PLXDC1: variants seen among roughly 807,000 people sequenced by gnomAD.
The protein encoded by PLXDC1 is plexin domain-containing protein 1.
PLXDC1 carries 39 observed loss-of-function variants against 61.3 expected under a neutral mutation model. The ratio of observed to expected loss-of-function variants is 0.64; its 90% CI spans 0.49 to 0.83. The LOEUF is 0.83. Ranked by LOEUF, PLXDC1 falls within the 40% of genes least tolerant of loss-of-function variation. PLXDC1 has a pLI of 0.00. For missense variants in PLXDC1, 596 were observed against 666.5 expected (o/e 0.89, Z 1.17); for synonymous variants, 212 against 254.5 (o/e 0.83, Z 1.59).
In PLXDC1 at chr17:39,067,562, T is replaced by G. The variant is rs1908941813; in HGVS notation, c.*278A>C. On this transcript the variant is annotated 3_prime_UTR_variant, in exon 14 of 14. Transcript: ENST00000315392. The stretch of plus-strand genomic sequence containing the variant: ...ATGGAGTTAGTTATGTTAGTTCTTC[T>G]GCTGTTTCATGGTTACAAGACACAG... 1 of 319,074 alleles carries G rather than the reference T, an allele frequency of 3.1e-6. No individual in the cohort carries two copies. Among genetic ancestry groups the G allele is most frequent in the Admixed American group, 4.5e-5 (1 of 22,258 alleles). The allele number at this position is 319,074 out of a possible 1,614,324, so 19.8% of individuals were successfully genotyped here. A position where few individuals can be genotyped will look rare whatever the true frequency, so the allele number is the denominator to read the frequency against.
chr17:39,109,714 C>A (rs933528640), intron 2 of PLXDC1, among the ~76,000 whole-genome samples: 2 of 152,204 alleles, frequency 1.3e-5, no homozygotes, highest in African/African-American at 4.8e-5. Context: ...AGACCAGGAC[C>A]AAGGCTGAGC....
chr17:39,073,637 G>A (rs1351070013), intron 11 of PLXDC1, among the ~76,000 whole-genome samples: 1 of 152,182 alleles, frequency 6.6e-6, no homozygotes, highest in Non-Finnish European at 1.5e-5. Context: ...CATCTTGCTG[G>A]GGCTCCATGT....
At chr17:39,123,044 T>G (rs1355908680) in intron 2 of PLXDC1, among the ~76,000 whole-genome samples, 1 of 152,136 alleles carries the variant, frequency 6.6e-6, no homozygotes, top group Non-Finnish European at 1.5e-5. Context: ...TGGAGCACAA[T>G]TCGAAAACCA....
At chr17:39,073,715 T>A (rs994473745) in intron 11 of PLXDC1, among the ~76,000 whole-genome samples, 3 of 152,244 alleles carry the variant, frequency 2.0e-5, no homozygotes, top group African/African-American at 2.4e-5. Flanking sequence ...CATGCAATGT[T>A]GATCAAATGA....
chr17:39,122,378 CAAA>C (rs71141762), intron 2 of PLXDC1, among the ~76,000 whole-genome samples: 464 of 36,456 alleles, frequency 0.013, no homozygotes, highest in African/African-American at 0.047. Flanking sequence ...GACTCTGTCT[CAAA>C]AAAAAAAAAA....
In PLXDC1 at chr17:39,109,363, C is replaced by T. The variant is rs752951676; in HGVS notation, c.284G>A (p.Arg95His). 17 of 1,602,920 alleles carry T rather than the reference C, an allele frequency of 1.1e-5. No individual in the cohort carries two copies. Among genetic ancestry groups the T allele is most frequent in the African/African-American group, 8.0e-5 (6 of 74,828 alleles). Residue 95 changes from arginine (R) to histidine (H), a missense_variant, in exon 3 of 14, where the codon CGT becomes CAT. Coordinates refer to ENST00000315392, the MANE Select transcript of PLXDC1 (RefSeq NM_020405.5). ...GTGGGGCTCGCTGGGGCCATAGAGA[C>T]GGGACACATAATAGCTGTGGTTGTC... The part of the protein sequence containing the change: ...VEDNHSYYVS[R>H]LYGPSEPHSR...
At chr17:39,109,019 G>C in intron 3 of PLXDC1, 46 bp from the exon 4 acceptor site, 1 of 1,475,168 alleles carries the variant, frequency 6.8e-7, no homozygotes. Context: ...CTGCAGGCCA[G>C]GGGCCTGGGC....
chr17:39,115,947 T>G (rs1455934742), intron 2 of PLXDC1, among the ~76,000 whole-genome samples: 1 of 151,876 alleles, frequency 6.6e-6, no homozygotes, highest in African/African-American at 2.4e-5. Flanking sequence ...GAAACCCATC[T>G]CTACTAAAAA....
At chr17:39,068,270 A>G (rs1908975276) in intron 13 of PLXDC1, among the ~76,000 whole-genome samples, 1 of 152,242 alleles carries the variant, frequency 6.6e-6, no homozygotes, top group Non-Finnish European at 1.5e-5. Context: ...TAGGACTGCA[A>G]TGTGAGGGAG....
At chr17:39,089,829 G>A (rs1241872277) in intron 7 of PLXDC1, among the ~76,000 whole-genome samples, 3 of 152,124 alleles carry the variant, frequency 2.0e-5, no homozygotes, top group East Asian at 3.9e-4. Flanking sequence ...ACTGAGTCTC[G>A]CTCTGTCACC....
chr17:39,119,766 T>C (rs1183885951), intron 2 of PLXDC1, among the ~76,000 whole-genome samples: 1 of 152,086 alleles, frequency 6.6e-6, no homozygotes, highest in Non-Finnish European at 1.5e-5. Flanking sequence ...TTTTTTAACT[T>C]CATTTTTAAA....
At chr17:39,145,448 T>G (rs949006196) in intron 1 of PLXDC1, among the ~76,000 whole-genome samples, 1 of 152,086 alleles carries the variant, frequency 6.6e-6, no homozygotes, top group Admixed American at 6.5e-5. Flanking sequence ...ACCCCATAGC[T>G]CAGGTTACCA....
chr17:39,126,542 G>A (rs1174982806), intron 2 of PLXDC1, among the ~76,000 whole-genome samples: 1 of 151,928 alleles, frequency 6.6e-6, no homozygotes, highest in African/African-American at 2.4e-5. Context: ...ATTTAAAAAA[G>A]ACTCATAAAA....
chr17:39,126,523 A>G (rs558138223), intron 2 of PLXDC1, among the ~76,000 whole-genome samples: 2 of 152,236 alleles, frequency 1.3e-5, no homozygotes, highest in Non-Finnish European at 2.9e-5. Flanking sequence ...TGAGTTATGT[A>G]ATACATACAT....
In PLXDC1 at chr17:39,081,694, G is replaced by T. The variant is rs1169084673; in HGVS notation, c.989+1765C>A. Among the ~76,000 whole-genome samples the T allele has an allele frequency of 2.0e-5, 3 of 151,252 alleles. No individual in the cohort carries two copies. The East Asian group carries it at 5.9e-4, about 30-fold the overall frequency. ...GCAGTGGCTCACACCTGTAATCCCA[G>T]CATTTTGGGAGGCCGAGGAGGGCAG... On this transcript the variant is annotated intron_variant, in intron 9 of 13. Coordinates refer to ENST00000315392, the MANE Select transcript of PLXDC1 (RefSeq NM_020405.5).
At chr17:39,094,765 C>G (rs1910084965) in intron 7 of PLXDC1, among the ~76,000 whole-genome samples, 1 of 152,144 alleles carries the variant, frequency 6.6e-6, no homozygotes, top group Non-Finnish European at 1.5e-5. Flanking sequence ...GCCCACAGCC[C>G]AAAGGAAGCA....
At chr17:39,085,304 G>A (rs1909702775) in intron 8 of PLXDC1, among the ~76,000 whole-genome samples, 2 of 152,216 alleles carry the variant, frequency 1.3e-5, no homozygotes, top group African/African-American at 4.8e-5. Flanking sequence ...GAAGGCCCTG[G>A]GAGAGTGGAT....
At chr17:39,124,094 C>T (rs1911246916) in intron 2 of PLXDC1, among the ~76,000 whole-genome samples, 1 of 152,120 alleles carries the variant, frequency 6.6e-6, no homozygotes, top group African/African-American at 2.4e-5. Context: ...TCCAAGAGCA[C>T]CCCTGGGCCG....
intron 2 of PLXDC1, among the ~76,000 whole-genome samples, chr17:39,134,640 G>A (rs79202036): frequency 0.038 from 3,807 of 98,898 alleles, 90 homozygotes; most frequent in African/African-American, 0.11. Context: ...AAAAAAAAAA[G>A]AAAAAGAAAA....
Sources: allele counts gnomAD v4.1 joint callset (sites outside exome capture counted in the v4.1 genomes callset), GRCh38; gene constraint gnomAD v4.1.1; transcripts MANE v1.5; gene names NCBI Gene and HGNC (gene_info 2026-07-23, HGNC 2026-07-21).